The following PROC variants were observed in gnomAD, a reference collection of about 807,000 sequenced individuals.
PROC encodes the protein protein C, inactivator of coagulation factors Va and VIIIa, also known as vitamin K-dependent protein C.
PROC carries 22 observed loss-of-function variants against 36.3 expected under a neutral mutation model. The observed-to-expected ratio is 0.61, with a 90% CI of 0.43 to 0.86. The LOEUF (loss-of-function observed/expected upper bound fraction) is 0.86. Ranked by LOEUF, PROC falls within the 40% of genes least tolerant of loss-of-function variation. The pLI is 0.00. For synonymous variants in PROC, 218 were observed against 244.5 expected (o/e 0.89, Z 1.01); for missense variants, 526 against 629.7 (o/e 0.84, Z 1.76).
rs1406191823 is a variant in PROC, at chr2:127,418,968, G to A, written c.-22+476G>A. Among the ~76,000 whole-genome samples, 1 of 152,134 alleles carries A rather than the reference G, an allele frequency of 6.6e-6. No individual in the cohort carries two copies. The highest frequency in any genetic ancestry group is 2.4e-5 in the African/African-American group (1 of 41,422). On this transcript the variant is annotated intron_variant, in intron 1 of 8. Coordinates refer to ENST00000234071, the MANE Select transcript of PROC (RefSeq NM_000312.4). The surrounding 1 kb of genome is among the most constrained non-coding windows in gnomAD (Gnocchi z 4.8). Reference sequence around the variant, plus strand: ...GGAGCACCTGGTGGTTTGGGGCAGGGGTTGAATTTCCAGGCCTAAAACCAC... The same window carrying A: ...GGAGCACCTGGTGGTTTGGGGCAGGAGTTGAATTTCCAGGCCTAAAACCAC...
rs796113795 is a variant in PROC at position 127,423,484 on chromosome 2, CG to C, written c.535+82del. 5 of 1,512,428 alleles carry C rather than the reference CG, an allele frequency of 3.3e-6. No individual in the cohort carries two copies. In the African/African-American group the frequency reaches 5.6e-5, roughly 17 times the overall value. 93.7% of individuals were successfully genotyped at this position (1,512,428 alleles called of 1,614,324 possible). The stretch of plus-strand genomic sequence containing the variant: ...GCAGGCCCCCTGACGGGGCGCGGCG[CG>C]GGGGGCTCAGGAGGGTTTCTAGGGA... On this transcript the variant is annotated intron_variant, in intron 6 of 8. Coordinates refer to ENST00000234071, the MANE Select transcript of PROC (RefSeq NM_000312.4).
At chr2:127,427,822 G>T (rs1688621073) in intron 8 of PROC, among the ~76,000 whole-genome samples, 1 of 152,216 alleles carries the variant, frequency 6.6e-6, no homozygotes, top group Non-Finnish European at 1.5e-5. Flanking sequence ...CCCCCGTGGG[G>T]CTTGGCTTAG....
intron 8 of PROC, among the ~76,000 whole-genome samples, 160 bp from the exon 9 acceptor site, chr2:127,428,197 G>A (rs953617946): frequency 6.6e-6 from 1 of 152,204 alleles, no homozygotes; most frequent in Non-Finnish European, 1.5e-5. Flanking sequence ...AGGTGGCTCC[G>A]CGCCAGTGCC....
At position 127,419,913 on chromosome 2, in the gene PROC, C is replaced by G. The variant is rs763786052; in HGVS notation, c.-21-9C>G. 4.3e-6 allele frequency: 7 copies of G among 1,613,900 alleles called. No homozygotes were observed. The East Asian group carries it at 1.6e-4, about 36-fold the overall frequency. On this transcript the variant is annotated splice_polypyrimidine_tract_variant and intron_variant, in intron 1 of 8. Coordinates refer to ENST00000234071, the MANE Select transcript of PROC (RefSeq NM_000312.4). ...TAGGCACTGCCCGGAGCTCAGAAGT[C>G]CTCCTCAGACAGGTGCCAGTGCCTC...
chr2:127,422,719 C>T (rs1346993895), intron 3 of PROC, among the ~76,000 whole-genome samples, 198 bp from the exon 4 acceptor site: 2 of 139,780 alleles, frequency 1.4e-5, no homozygotes, highest in Non-Finnish European at 1.5e-5. Context: ...GGAGGCTGGG[C>T]GCGGGCGGGT....
At chr2:127,425,303 T>A (rs999502498) in intron 6 of PROC, among the ~76,000 whole-genome samples, 1 of 152,238 alleles carries the variant, frequency 6.6e-6, no homozygotes, top group African/African-American at 2.4e-5. Flanking sequence ...GTTGCTGTTG[T>A]GCCCTTTCCA....
intron 2 of PROC, among the ~76,000 whole-genome samples, chr2:127,420,817 GA>G (rs1456144989): frequency 1.3e-5 from 2 of 152,194 alleles, no homozygotes; most frequent in Non-Finnish European, 2.9e-5. Flanking sequence ...AGACTGGGGG[GA>G]TGTGTCAAGA....
rs768559685 is a variant in PROC at position 127,426,137 on chromosome 2, C to T, written c.588C>T (p.His196=). Residue 196 remains histidine (H), a synonymous_variant, in exon 7 of 9, where the codon CAC becomes CAT. Transcript: ENST00000234071. This position sits in a 1 kb window ranked among gnomAD's most constrained non-coding sequence, Gnocchi z 7.0. ...PWKRMEKKRS[H]LKRDTEDQED... is the part of the protein sequence containing the mutation. ...AGCGGATGGAGAAGAAGCGCAGTCA[C>T]CTGAAACGAGACACAGAAGACCAAG... 10 of 1,614,092 alleles carry T rather than the reference C, an allele frequency of 6.2e-6. No individual in the cohort carries two copies. Among genetic ancestry groups the T allele is most frequent in the African/African-American group, 1.3e-5 (1 of 75,032 alleles).
In PROC at chr2:127,426,437, C is replaced by G. The variant is rs1688505229; in HGVS notation, c.678+210C>G. On this transcript the variant is annotated intron_variant, in intron 7 of 8. Coordinates refer to ENST00000234071, the MANE Select transcript of PROC (RefSeq NM_000312.4). This position sits in a 1 kb window ranked among gnomAD's most constrained non-coding sequence, Gnocchi z 7.0. Reference sequence around the variant, plus strand: ...GTGGGTGAGGGGAGGGGCATGGGGGCATGGAGGGGTCTGCAGGAGGGAGGG... The same window carrying G: ...GTGGGTGAGGGGAGGGGCATGGGGGGATGGAGGGGTCTGCAGGAGGGAGGG... 1.6e-6 allele frequency: 1 copy of G among 617,696 alleles called. No individual in the cohort carries two copies. The highest frequency in any genetic ancestry group is 1.8e-5 in the African/African-American group (1 of 54,062). 38.3% of individuals were successfully genotyped at this position (617,696 alleles called of 1,614,324 possible).
chr2:127,419,841 T>G, intron 1 of PROC, 81 bp from the exon 2 acceptor site: 1 of 1,607,360 alleles, frequency 6.2e-7, no homozygotes, highest in Non-Finnish European at 8.5e-7. Flanking sequence ...GGGACAGCCC[T>G]TTCATTCCGC....
Position 127,423,452 on chromosome 2 carries a change from A to G in PROC, c.535+44A>G, listed in dbSNP as rs1878844. 1 allele frequency: 1,537,609 copies of G among 1,539,356 alleles called. 767,946 individuals are homozygous for G. The highest frequency in any genetic ancestry group is 1 in the East Asian group (40,326 of 40,326). On this transcript the variant is annotated intron_variant, in intron 6 of 8. Coordinates refer to ENST00000234071, the MANE Select transcript of PROC (RefSeq NM_000312.4). Reference sequence around the variant, plus strand: ...ATCGCCCAGGAATCACGCTGGGTGCAGGGTGGGCAGGCCCCCTGACGGGGC... The same window carrying G: ...ATCGCCCAGGAATCACGCTGGGTGCGGGGTGGGCAGGCCCCCTGACGGGGC...
Position 127,423,017 on chromosome 2 carries a change from CCCG to C in PROC, c.263-14_263-12del, listed in dbSNP as rs778225789. Reference sequence around the variant, plus strand: ...GGATCTCTGGCCGCTGACCCCCTACCCCGCCTTGTGTCGCAGACGGTGACCAGT... The same window carrying C: ...GGATCTCTGGCCGCTGACCCCCTACCCCTTGTGTCGCAGACGGTGACCAGT... On this transcript the variant is annotated splice_polypyrimidine_tract_variant and intron_variant, in intron 4 of 8. Coordinates refer to ENST00000234071, the MANE Select transcript of PROC (RefSeq NM_000312.4). The C allele has an allele frequency of 1.9e-6, 3 of 1,612,576 alleles. No homozygotes were observed. Among genetic ancestry groups the C allele is most frequent in the Non-Finnish European group, 2.5e-6 (3 of 1,179,820 alleles).
At chr2:127,419,777 C>G in intron 1 of PROC, 145 bp from the exon 2 acceptor site, 1 of 1,516,106 alleles carries the variant, frequency 6.6e-7, no homozygotes, top group African/African-American at 1.4e-5. Flanking sequence ...GAGGCTATGT[C>G]TCTAGCGAAC....
Position 127,426,281 on chromosome 2 carries a change from T to A in PROC, c.678+54T>A. 6.2e-7 allele frequency: 1 copy of A among 1,611,506 alleles called. No homozygotes were observed. The highest frequency in any genetic ancestry group is 2.2e-5 in the East Asian group (1 of 44,844). ...ACGTGCTGGGTCCGGGATCACTGAG[T>A]CCATCCTGGCAGCTATGCTCAGGGT... On this transcript the variant is annotated intron_variant, in intron 7 of 8. Transcript: ENST00000234071. The surrounding 1 kb of genome is among the most constrained non-coding windows in gnomAD (Gnocchi z 7.0).
intron 2 of PROC, among the ~76,000 whole-genome samples, chr2:127,420,423 C>G (rs1331948297): frequency 6.6e-6 from 1 of 152,196 alleles, no homozygotes; most frequent in Non-Finnish European, 1.5e-5. Flanking sequence ...AACCCCTTTC[C>G]TGGTCTCCAC....
intron 2 of PROC, among the ~76,000 whole-genome samples, chr2:127,420,504 C>G (rs1688032525): frequency 6.6e-6 from 1 of 152,192 alleles, no homozygotes; most frequent in South Asian, 2.1e-4. Context: ...CCACACCAGG[C>G]TGTTGGTTTC....
In PROC at chr2:127,426,566, T is replaced by A. The variant is rs950260009; in HGVS notation, c.678+339T>A. On this transcript the variant is annotated intron_variant, in intron 7 of 8. Coordinates refer to ENST00000234071, the MANE Select transcript of PROC (RefSeq NM_000312.4). This position sits in a 1 kb window ranked among gnomAD's most constrained non-coding sequence, Gnocchi z 7.0. The stretch of plus-strand genomic sequence containing the variant: ...GCTAGGAGGGAGGGCCGGGCCTGAG[T>A]ACCCCTCCAGCCTCCACATGGGAAC... 1.0e-5 allele frequency: 4 copies of A among 393,938 alleles called. No homozygotes were observed. In the Admixed American group the frequency reaches 1.5e-4, roughly 15 times the overall value. The allele number at this position is 393,938 out of a possible 1,614,324, so 24.4% of individuals were successfully genotyped here.
intron 8 of PROC, 35 bp from the exon 9 acceptor site, chr2:127,428,322 C>T (rs772129740): frequency 9.4e-6 from 15 of 1,601,418 alleles, no homozygotes; most frequent in African/African-American, 5.4e-5. Flanking sequence ...AGAGGCTCCC[C>T]GCAGCCCACT....
At position 127,428,460 on chromosome 2, in the gene PROC, C is replaced by T. The variant is rs112356403; in HGVS notation, c.900C>T (p.Ile300=). 64 of 1,614,078 alleles carry T rather than the reference C, an allele frequency of 4.0e-5. No homozygotes were observed. The highest frequency in any genetic ancestry group is 4.7e-5 in the Non-Finnish European group (55 of 1,180,056). Residue 300 remains isoleucine (I), a synonymous_variant, in exon 9 of 9, where the codon ATC becomes ATT. Coordinates refer to ENST00000234071, the MANE Select transcript of PROC (RefSeq NM_000312.4). Reference sequence around the variant, plus strand: ...GCAAGAGCACCACCGACAATGACATCGCACTGCTGCACCTGGCCCAGCCCG... The same window carrying T: ...GCAAGAGCACCACCGACAATGACATTGCACTGCTGCACCTGGCCCAGCCCG... ...NYSKSTTDND[I]ALLHLAQPAT...
Sources: gnomAD v4.1 joint callset for allele counts (sites outside exome capture counted in the v4.1 genomes callset) on GRCh38, gnomAD v4.1.1 for gene constraint, Gnocchi (gnomAD v3.1) non-coding constraint, MANE v1.5 for transcripts, NCBI Gene and HGNC (gene_info 2026-07-23, HGNC 2026-07-21) for gene names.